The following PTPRD variants were observed in gnomAD, a reference collection of about 807,000 sequenced individuals.
PTPRD encodes receptor-type tyrosine-protein phosphatase delta.
PTPRD carries 34 observed loss-of-function variants against 214.5 expected under a neutral mutation model. The ratio of observed to expected loss-of-function variants is 0.16; its 90% confidence interval spans 0.12 to 0.21. PTPRD has a LOEUF of 0.21. Ranked by LOEUF, PTPRD falls within the 10% of genes least tolerant of loss-of-function variation. PTPRD has a pLI of 1.00. For synonymous variants in PTPRD, 1,128 were observed against 845.7 expected, an observed-to-expected ratio of 1.33 and a Z score of -5.79; for missense variants, 2,545 against 2,398.7, an observed-to-expected ratio of 1.06 and a Z score of -1.27.
At chr9:9,239,632 T>G (rs2099969299) in intron 9 of PTPRD, among the ~76,000 whole-genome samples, 1 of 152,162 alleles carries the variant, frequency 6.6e-6, no homozygotes, top group Non-Finnish European at 1.5e-5. Context: ...TGAGCTTATT[T>G]TAGTATGAAG....
At chr9:10,050,559 C>CAAAAAAAAA (rs1164243746) in intron 3 of PTPRD, among the ~76,000 whole-genome samples, 381 of 14,016 alleles carry the variant, frequency 0.027, 75 homozygotes, top group East Asian at 0.13. Context: ...GAGTCTGTCT[C>CAAAAAAAAA]AAAAAAAAAA....
chr9:8,448,930 A>G (rs961436950), intron 34 of PTPRD, among the ~76,000 whole-genome samples: 6 of 152,212 alleles, frequency 3.9e-5, no homozygotes, highest in Non-Finnish European at 8.8e-5. Context: ...GTTCATTATC[A>G]TAACATATTA....
chr9:8,768,771 C>G (rs7873146), intron 11 of PTPRD, among the ~76,000 whole-genome samples: 1 of 151,868 alleles, frequency 6.6e-6, no homozygotes, highest in Non-Finnish European at 1.5e-5. Flanking sequence ...GAAAAATAAA[C>G]CAAATATGTA....
chr9:9,176,280 G>T (rs1289310653), intron 10 of PTPRD, among the ~76,000 whole-genome samples: 1 of 152,152 alleles, frequency 6.6e-6, no homozygotes, highest in African/African-American at 2.4e-5. Flanking sequence ...TTTCTAGAAA[G>T]AGGTATCTAA....
At chr9:9,847,120 A>G (rs763461830) in intron 5 of PTPRD, among the ~76,000 whole-genome samples, 6 of 152,176 alleles carry the variant, frequency 3.9e-5, no homozygotes, top group Non-Finnish European at 7.3e-5. Context: ...CTTAAGTAGA[A>G]CGAATAACTA....
intron 2 of PTPRD, among the ~76,000 whole-genome samples, chr9:10,419,171 G>A (rs2098523057): frequency 6.6e-6 from 1 of 151,880 alleles, no homozygotes; most frequent in Admixed American, 6.6e-5. Flanking sequence ...AATCACTAAT[G>A]ACTTTCATGT....
At chr9:9,566,695 G>A (rs1395060685) in intron 8 of PTPRD, among the ~76,000 whole-genome samples, 4 of 152,112 alleles carry the variant, frequency 2.6e-5, no homozygotes, top group African/African-American at 4.8e-5. Flanking sequence ...GCTTACACTC[G>A]TAGTGGGGTC....
intron 14 of PTPRD, among the ~76,000 whole-genome samples, chr9:8,555,006 T>C (rs2083311987): frequency 6.6e-6 from 1 of 152,178 alleles, no homozygotes; most frequent in Non-Finnish European, 1.5e-5. Flanking sequence ...TATAAAAAAT[T>C]GTTCCTCCAG....
chr9:10,095,465 C>T (rs1296039438), intron 3 of PTPRD, among the ~76,000 whole-genome samples: 2 of 151,332 alleles, frequency 1.3e-5, no homozygotes, highest in African/African-American at 2.4e-5. Context: ...ATAGATCAGC[C>T]CTACTGACAT....
At chr9:9,258,811 T>G (rs2099978876) in intron 9 of PTPRD, among the ~76,000 whole-genome samples, 2 of 151,864 alleles carry the variant, frequency 1.3e-5, no homozygotes, top group South Asian at 4.1e-4. Context: ...GATGGAGAGG[T>G]AAGCATATTT....
At chr9:9,259,435 C>T (rs2099979131) in intron 9 of PTPRD, among the ~76,000 whole-genome samples, 1 of 151,904 alleles carries the variant, frequency 6.6e-6, no homozygotes, top group Non-Finnish European at 1.5e-5. Context: ...CCCTCCCTCT[C>T]CACCAATGAA....
In PTPRD at chr9:9,933,814, C is replaced by A. The variant is rs1401435154; in HGVS notation, c.-368+4693G>T. ...CACACCACACCTATTCCAAAATTGA[C>A]CACATACTTGGAAGTAAAGGTCTCC... On this transcript the variant is annotated intron_variant, in intron 5 of 45. Transcript: ENST00000381196. Among the ~76,000 whole-genome samples the A allele has an allele frequency of 1.3e-5, 2 of 149,392 alleles. 1 individual carries two copies. Among genetic ancestry groups the A allele is most frequent in the African/African-American group, 5.1e-5 (2 of 39,004 alleles).
At chr9:9,317,168 T>TA (rs1448137069) in intron 9 of PTPRD, among the ~76,000 whole-genome samples, 1 of 152,150 alleles carries the variant, frequency 6.6e-6, no homozygotes, top group African/African-American at 2.4e-5. Context: ...ACTTACTCCT[T>TA]AAAAATTGGT....
chr9:10,521,702 T>C (rs1386169018), intron 2 of PTPRD, among the ~76,000 whole-genome samples: 3 of 152,074 alleles, frequency 2.0e-5, no homozygotes, highest in Non-Finnish European at 4.4e-5. Flanking sequence ...CAAAAGCAAT[T>C]AGCATGGTGG....
At chr9:9,579,235 A>G (rs1348938341) in intron 7 of PTPRD, among the ~76,000 whole-genome samples, 3 of 152,146 alleles carry the variant, frequency 2.0e-5, no homozygotes, top group East Asian at 1.9e-4. Flanking sequence ...AACTACAGTT[A>G]ACATTTACTG....
At chr9:9,222,206 T>G (rs1238571783) in intron 9 of PTPRD, among the ~76,000 whole-genome samples, 1 of 152,070 alleles carries the variant, frequency 6.6e-6, no homozygotes, top group African/African-American at 2.4e-5. Context: ...TTTGTTACTA[T>G]AGCCTGTGAT....
intron 8 of PTPRD, among the ~76,000 whole-genome samples, chr9:9,418,048 G>C (rs1039325575): frequency 6.6e-6 from 1 of 152,000 alleles, no homozygotes; most frequent in Non-Finnish European, 1.5e-5. Context: ...GAAATGTTCT[G>C]AGTCCTACAG....
chr9:8,428,697 G>T (rs1322359227), intron 35 of PTPRD, among the ~76,000 whole-genome samples: 1 of 152,136 alleles, frequency 6.6e-6, no homozygotes, highest in Non-Finnish European at 1.5e-5. Flanking sequence ...ATGTGTGTGT[G>T]TTTGGTTTCT....
At chr9:10,551,199 T>C (rs1225127000) in intron 2 of PTPRD, among the ~76,000 whole-genome samples, 1 of 152,050 alleles carries the variant, frequency 6.6e-6, no homozygotes, top group Non-Finnish European at 1.5e-5. Context: ...AGTAGCCATG[T>C]ATCATGTCAC....
Sources: gnomAD v4.1 joint callset for allele counts (sites outside exome capture counted in the v4.1 genomes callset) on GRCh38, gnomAD v4.1.1 for gene constraint, MANE v1.5 for transcripts, NCBI Gene and HGNC (gene_info 2026-07-23, HGNC 2026-07-21) for gene names.